Variants in STAG1 observed in about 807,000 individuals in gnomAD.
The protein encoded by STAG1 is cohesin subunit SA-1.
Under a neutral mutation model 170.9 loss-of-function variants are expected in STAG1, and 26 were observed. The observed-to-expected ratio is 0.15, with a 90% CI of 0.11 to 0.21. The LOEUF is 0.21. Among genes scored for constraint, STAG1 ranks in the 10% least tolerant of loss-of-function variants. The pLI is 1.00. For synonymous variants in STAG1, 514 were observed against 497.7 expected, an observed-to-expected ratio of 1.03 and a Z score of -0.44; for missense variants, 964 against 1,509.5, an observed-to-expected ratio of 0.64 and a Z score of 5.99.
intron 4 of STAG1, among the ~76,000 whole-genome samples, chr3:136,579,504 T>C (rs1937546145): frequency 6.6e-6 from 1 of 152,218 alleles, no homozygotes; most frequent in South Asian, 2.1e-4. Flanking sequence ...CTTAGGTTGA[T>C]TTCCTTGTGG....
intron 1 of STAG1, among the ~76,000 whole-genome samples, chr3:136,740,277 T>C (rs1371332369): frequency 1.3e-5 from 2 of 152,164 alleles, no homozygotes; most frequent in Non-Finnish European, 2.9e-5. Context: ...AAACACTCCA[T>C]GTAATTATTA....
intron 1 of STAG1, among the ~76,000 whole-genome samples, chr3:136,644,950 G>T (rs1048160403): frequency 6.6e-6 from 1 of 151,932 alleles, no homozygotes; most frequent in Non-Finnish European, 1.5e-5. Context: ...GGCTGGTGTC[G>T]AACTGCTGAA....
intron 1 of STAG1, among the ~76,000 whole-genome samples, chr3:136,724,031 G>A (rs922385546): frequency 7.3e-5 from 11 of 150,450 alleles, no homozygotes; most frequent in Non-Finnish European, 1.3e-4. Flanking sequence ...GGTGAGGGGC[G>A]CCTCTGCCCG....
chr3:136,494,509 A>C (rs943169556), intron 9 of STAG1, among the ~76,000 whole-genome samples: 1 of 152,190 alleles, frequency 6.6e-6, no homozygotes, highest in Non-Finnish European at 1.5e-5. Context: ...ATTCCTTATG[A>C]AAGTAAATGC....
At chr3:136,404,108 T>A (rs2087413523) in intron 21 of STAG1, among the ~76,000 whole-genome samples, 1 of 152,174 alleles carries the variant, frequency 6.6e-6, no homozygotes, top group South Asian at 2.1e-4. Flanking sequence ...AAATCATTGT[T>A]CAGTAACTTC....
intron 6 of STAG1, among the ~76,000 whole-genome samples, chr3:136,536,716 A>C (rs940623691): frequency 2.2e-4 from 33 of 150,780 alleles, no homozygotes; most frequent in South Asian, 4.2e-4. Context: ...AAAAAAAAAA[A>C]AAAAAAAAAA....
chr3:136,751,663 C>T (rs972933382), intron 1 of STAG1, among the ~76,000 whole-genome samples: 3 of 152,156 alleles, frequency 2.0e-5, no homozygotes, highest in African/African-American at 7.2e-5. Flanking sequence ...CCCCCAGGCC[C>T]CTCCGCTGAA....
intron 13 of STAG1, 41 bp from the exon 14 acceptor site, chr3:136,452,188 T>C (rs1351211351): frequency 1.6e-6 from 2 of 1,236,192 alleles, no homozygotes; most frequent in Admixed American, 3.5e-5. Flanking sequence ...TACATGAATA[T>C]GAACTTTAGT....
intron 22 of STAG1, among the ~76,000 whole-genome samples, chr3:136,397,187 C>T (rs554532472): frequency 1.3e-5 from 2 of 152,254 alleles, no homozygotes; most frequent in African/African-American, 4.8e-5. Context: ...ACTTCTTAGT[C>T]ATGTTCAGGC....
At chr3:136,352,182 G>A (rs1442468925) in intron 28 of STAG1, among the ~76,000 whole-genome samples, 3 of 152,004 alleles carry the variant, frequency 2.0e-5, no homozygotes, top group Non-Finnish European at 4.4e-5. Flanking sequence ...ATTTTTTTGA[G>A]ATAAGGTCTC....
intron 4 of STAG1, among the ~76,000 whole-genome samples, chr3:136,601,819 G>C (rs1035130672): frequency 6.6e-6 from 1 of 151,654 alleles, no homozygotes; most frequent in African/African-American, 2.4e-5. Context: ...CTGGCTAATA[G>C]AGAGAGGCTC....
chr3:136,690,056 C>CAAAAAAAAAAAAAAAAAAAAAAAAAAAAA (rs57082567), intron 1 of STAG1, among the ~76,000 whole-genome samples: 1 of 56,370 alleles, frequency 1.8e-5, no homozygotes, highest in African/African-American at 7.7e-5. Context: ...AAAAGCAAAC[C>CAAAAAAAAAAAAAAAAAAAAAAAAAAAAA]AAAAAAAAAA....
At position 136,734,129 on chromosome 3, in the gene STAG1, C is replaced by A. The variant is rs371672155; in HGVS notation, c.-84+18066G>T. Among the ~76,000 whole-genome samples, 155 of 140,808 alleles carry A rather than the reference C, an allele frequency of 1.1e-3. 1 individual carries two copies. Among genetic ancestry groups the A allele is most frequent in the Middle Eastern group, 7.4e-3 (2 of 272 alleles). The allele number at this position is 140,808 out of a possible 152,430, so 92.4% of individuals were successfully genotyped here. A position where few individuals can be genotyped will look rare whatever the true frequency, so the allele number is the denominator to read the frequency against. On this transcript the variant is annotated intron_variant, in intron 1 of 33. Coordinates refer to ENST00000383202, the MANE Select transcript of STAG1 (RefSeq NM_005862.3). Reference sequence around the variant, plus strand: ...ATCTCAAAAAAAAAAAAAAACAAAACAAAACAAAAACAAAACAAAAAAAAT... The same window carrying A: ...ATCTCAAAAAAAAAAAAAAACAAAAAAAAACAAAAACAAAACAAAAAAAAT...
intron 13 of STAG1, among the ~76,000 whole-genome samples, chr3:136,454,127 C>T (rs985420166): frequency 2.6e-5 from 4 of 152,190 alleles, no homozygotes; most frequent in Admixed American, 1.3e-4. Flanking sequence ...CACAGTCTCA[C>T]TCTGTCACCC....
At chr3:136,611,565 A>C (rs901623669) in intron 3 of STAG1, among the ~76,000 whole-genome samples, 7 of 150,444 alleles carry the variant, frequency 4.7e-5, no homozygotes, top group African/African-American at 1.7e-4. Context: ...GCACGATCAC[A>C]GCTCACTGCA....
chr3:136,751,822 GGGCGGGCTTGGC>G (rs1559990839), intron 1 of STAG1, among the ~76,000 whole-genome samples: 1 of 150,952 alleles, frequency 6.6e-6, no homozygotes, highest in Admixed American at 6.6e-5. Flanking sequence ...GGGGGGCGGA[GGGCGGGCTTGGC>G]GGCGGGCCCG....
chr3:136,537,262 A>T (rs530958091), intron 6 of STAG1, among the ~76,000 whole-genome samples: 36 of 152,324 alleles, frequency 2.4e-4, no homozygotes, highest in Admixed American at 1.2e-3. Flanking sequence ...ACAAAAAGAA[A>T]GAAATTAATT....
chr3:136,692,833 A>G (rs1942771603), intron 1 of STAG1, among the ~76,000 whole-genome samples: 1 of 152,218 alleles, frequency 6.6e-6, no homozygotes, highest in African/African-American at 2.4e-5. Context: ...TGTAAGGCAG[A>G]TTGGCTCAAC....
chr3:136,477,212 A>T, intron 10 of STAG1, 77 bp downstream of exon 10: 1 of 1,450,506 alleles, frequency 6.9e-7, no homozygotes, highest in Non-Finnish European at 9.2e-7. Flanking sequence ...AAAATCAACT[A>T]CTGTCATTTT....
Sources: allele counts gnomAD v4.1 joint callset (sites outside exome capture counted in the v4.1 genomes callset), GRCh38; gene constraint gnomAD v4.1.1; transcripts MANE v1.5; gene names NCBI Gene and HGNC (gene_info 2026-07-23, HGNC 2026-07-21).